The following GMDS variants were observed in gnomAD, a reference collection of about 807,000 sequenced individuals.
GMDS encodes GDP-mannose 4,6-dehydratase.
In GMDS, 20 loss-of-function variants were observed where a neutral mutation model predicts 49.9. The observed-to-expected ratio is 0.40, with a 90% CI of 0.28 to 0.58. The LOEUF (loss-of-function observed/expected upper bound fraction) is 0.58, where lower values mean the gene tolerates loss of function less well. GMDS is among the 20% of genes least tolerant of loss of function. GMDS has a pLI of 0.42. For synonymous variants in GMDS, 177 were observed against 178.6 expected (o/e 0.99, Z 0.07); for missense variants, 362 against 481.4 (o/e 0.75, Z 2.32).
intron 1 of GMDS, among the ~76,000 whole-genome samples, chr6:2,200,621 G>A (rs1337462176): frequency 6.7e-6 from 1 of 149,088 alleles, no homozygotes; most frequent in African/African-American, 2.5e-5. Context: ...CATGTTAGCA[G>A]AGAGGCGAAG....
intron 4 of GMDS, among the ~76,000 whole-genome samples, chr6:2,032,170 A>C (rs1359029591): frequency 6.6e-6 from 1 of 152,230 alleles, no homozygotes; most frequent in Non-Finnish European, 1.5e-5. Context: ...ATCATCGGGA[A>C]GACATATACT....
rs1421467853 is a variant in GMDS at position 2,171,541 on chromosome 6, T to A, written c.103-46810A>T. Among the ~76,000 whole-genome samples, 5 of 152,284 alleles carry A rather than the reference T, an allele frequency of 3.3e-5. No individual in the cohort carries two copies. In the East Asian group the frequency reaches 9.6e-4, roughly 29 times the overall value. Reference sequence around the variant, plus strand: ...TCCAGAAAACAAACACAGAATAAAGTCTGTCTAATTTACCTATGTATCTCT... The same window carrying A: ...TCCAGAAAACAAACACAGAATAAAGACTGTCTAATTTACCTATGTATCTCT... On this transcript the variant is annotated intron_variant, in intron 1 of 10. Transcript: ENST00000380815.
In GMDS at chr6:1,878,345, C is replaced by G. The variant is rs1030415857; in HGVS notation, c.771+51758G>C. 2.7e-5 allele frequency among the ~76,000 whole-genome samples: 4 copies of G among 149,710 alleles called. No homozygotes were observed. The South Asian group carries it at 6.3e-4, about 24-fold the overall frequency. On this transcript the variant is annotated intron_variant, in intron 7 of 10. Transcript: ENST00000380815. ...AAAAAAAAAAAAAAAAAAAGTTATC[C>G]AGGCAAAACAATCGATGTGAAAATA...
intron 7 of GMDS, among the ~76,000 whole-genome samples, chr6:1,806,245 T>C (rs1203973675): frequency 6.6e-6 from 1 of 152,224 alleles, no homozygotes; most frequent in Non-Finnish European, 1.5e-5. Flanking sequence ...AAACAGGTCC[T>C]AGTATTTGCT....
intron 1 of GMDS, among the ~76,000 whole-genome samples, chr6:2,145,903 A>G (rs1419703488): frequency 6.6e-6 from 1 of 152,210 alleles, no homozygotes; most frequent in Non-Finnish European, 1.5e-5. Context: ...ATATGCAAAT[A>G]CCACACCATC....
At chr6:2,140,455 A>G (rs1776229793) in intron 1 of GMDS, among the ~76,000 whole-genome samples, 1 of 152,208 alleles carries the variant, frequency 6.6e-6, no homozygotes, top group South Asian at 2.1e-4. Flanking sequence ...TGTTTAGGCC[A>G]CTCAGTCTGT....
intron 6 of GMDS, among the ~76,000 whole-genome samples, chr6:1,938,348 C>T (rs1762649046): frequency 6.6e-6 from 1 of 152,164 alleles, no homozygotes; most frequent in South Asian, 2.1e-4. Context: ...TTTCTTGTGG[C>T]ATAAATTCCC....
At position 1,784,412 on chromosome 6, in the gene GMDS, A is replaced by AT. The variant is rs1183545757; in HGVS notation, c.772-41827_772-41826insA. Among the ~76,000 whole-genome samples the AT allele has an allele frequency of 6.7e-3, 1,004 of 150,900 alleles. 12 individuals carry two copies. The highest frequency in any genetic ancestry group is 0.023 in the African/African-American group (949 of 40,784). On this transcript the variant is annotated intron_variant, in intron 7 of 10. Coordinates refer to ENST00000380815, the MANE Select transcript of GMDS (RefSeq NM_001500.4). ...TCTCAAAAAAAAAAAAAAAAAAAAA[A>AT]AAGAAAATTTTCGCAAAACTCCTTC...
intron 4 of GMDS, among the ~76,000 whole-genome samples, chr6:2,039,925 T>C (rs565292896): frequency 5.3e-5 from 8 of 152,334 alleles, no homozygotes; most frequent in African/African-American, 1.9e-4. Flanking sequence ...CTGTATGCGC[T>C]AGACTTCTAT....
At chr6:2,114,611 A>T (rs971160844) in intron 4 of GMDS, among the ~76,000 whole-genome samples, 4 of 152,272 alleles carry the variant, frequency 2.6e-5, no homozygotes, top group African/African-American at 9.6e-5. Context: ...TCACAGATTA[A>T]GAAAAGAAAA....
chr6:2,065,696 T>C (rs1771531315), intron 4 of GMDS, among the ~76,000 whole-genome samples: 1 of 151,624 alleles, frequency 6.6e-6, no homozygotes, highest in Admixed American at 6.6e-5. Context: ...ATGAATGAAA[T>C]GAAGCGAGAA....
At chr6:2,154,862 G>GAAAAAAAAAAAAAAAAAAAA (rs1562103386) in intron 1 of GMDS, among the ~76,000 whole-genome samples, 1 of 33,830 alleles carries the variant, frequency 3.0e-5, no homozygotes, top group African/African-American at 7.6e-5. Flanking sequence ...TTGAAGAGAT[G>GAAAAAAAAAAAAAAAAAAAA]CAAAAAAAAA....
At chr6:1,990,108 A>C (rs1765838681) in intron 4 of GMDS, among the ~76,000 whole-genome samples, 1 of 152,186 alleles carries the variant, frequency 6.6e-6, no homozygotes. Context: ...CATCTTGGCT[A>C]ATACAGTGAA....
chr6:1,862,916 C>T (rs1403757735), intron 7 of GMDS, among the ~76,000 whole-genome samples: 1 of 152,072 alleles, frequency 6.6e-6, no homozygotes, highest in South Asian at 2.1e-4. Flanking sequence ...ACAACTTATA[C>T]AAAACACTGA....
chr6:2,086,796 AG>A (rs1349490738), intron 4 of GMDS, among the ~76,000 whole-genome samples: 1 of 152,210 alleles, frequency 6.6e-6, no homozygotes, highest in Non-Finnish European at 1.5e-5. Flanking sequence ...TTATGAAAGA[AG>A]GGCTTTGACG....
intron 9 of GMDS, among the ~76,000 whole-genome samples, chr6:1,639,719 T>C (rs1452090771): frequency 6.6e-6 from 1 of 152,160 alleles, no homozygotes; most frequent in Non-Finnish European, 1.5e-5. Flanking sequence ...AAAGCCCATC[T>C]CTACAAAAAC....
chr6:1,649,301 A>C (rs1763581324), intron 9 of GMDS, among the ~76,000 whole-genome samples: 1 of 152,182 alleles, frequency 6.6e-6, no homozygotes, highest in Admixed American at 6.5e-5. Flanking sequence ...CCGTGTTTCA[A>C]GTGTATGTCA....
At chr6:1,905,302 C>T (rs1296034290) in intron 7 of GMDS, among the ~76,000 whole-genome samples, 1 of 152,226 alleles carries the variant, frequency 6.6e-6, no homozygotes, top group African/African-American at 2.4e-5. Flanking sequence ...GTGGGGCCAG[C>T]ACATAGCTGT....
intron 4 of GMDS, among the ~76,000 whole-genome samples, chr6:2,015,474 C>T (rs550874997): frequency 9.3e-4 from 141 of 152,134 alleles, no homozygotes; most frequent in Non-Finnish European, 1.4e-3. Flanking sequence ...AGTAAAACTA[C>T]AATTTATCAA....
Sources: gnomAD v4.1 joint callset for allele counts (sites outside exome capture counted in the v4.1 genomes callset) on GRCh38, gnomAD v4.1.1 for gene constraint, MANE v1.5 for transcripts, NCBI Gene and HGNC (gene_info 2026-07-23, HGNC 2026-07-21) for gene names.